The following LRMDA variants were observed in gnomAD, a reference collection of about 807,000 sequenced individuals.
LRMDA encodes leucine-rich melanocyte differentiation-associated protein.
Under a neutral mutation model 29.8 loss-of-function variants are expected in LRMDA, and 18 were observed. The ratio of observed to expected loss-of-function variants is 0.60; its 90% CI spans 0.42 to 0.90. The LOEUF (loss-of-function observed/expected upper bound fraction) is 0.90, where lower values mean the gene tolerates loss of function less well. Among genes scored for constraint, LRMDA ranks in the 40% least tolerant of loss-of-function variants. The pLI is 0.00. For missense variants in LRMDA, 273 were observed against 273.9 expected, an observed-to-expected ratio of 1.00 and a Z score of 0.02; for synonymous variants, 125 against 109.4, an observed-to-expected ratio of 1.14 and a Z score of -0.89.
intron 2 of LRMDA, among the ~76,000 whole-genome samples, chr10:75,628,651 A>G (rs941941939): frequency 7.2e-5 from 11 of 152,214 alleles, no homozygotes; most frequent in Non-Finnish European, 1.5e-4. Flanking sequence ...GCTTGCTGAA[A>G]GCCCAGCAAA....
chr10:75,486,985 A>C (rs1043265045), intron 2 of LRMDA, among the ~76,000 whole-genome samples: 3 of 152,224 alleles, frequency 2.0e-5, no homozygotes, highest in African/African-American at 7.2e-5. Context: ...TTTGAACATT[A>C]ATCAGGGAGA....
intron 5 of LRMDA, among the ~76,000 whole-genome samples, chr10:76,100,486 C>T (rs1224066753): frequency 6.6e-6 from 1 of 152,144 alleles, no homozygotes; most frequent in African/African-American, 2.4e-5. Flanking sequence ...AGTGTGCAGG[C>T]AGGTCGGAGA....
At chr10:75,749,423 C>A (rs959304226) in intron 2 of LRMDA, among the ~76,000 whole-genome samples, 1 of 152,020 alleles carries the variant, frequency 6.6e-6, no homozygotes, top group Admixed American at 6.6e-5. Flanking sequence ...TACATACACA[C>A]ATACAGATAT....
intron 2 of LRMDA, among the ~76,000 whole-genome samples, chr10:75,917,486 A>G (rs1400869029): frequency 6.6e-6 from 1 of 152,194 alleles, no homozygotes; most frequent in Non-Finnish European, 1.5e-5. Context: ...ACCCATCTGA[A>G]ATACTCCTCC....
intron 5 of LRMDA, among the ~76,000 whole-genome samples, chr10:76,295,187 AG>A (rs1259582551): frequency 1.3e-5 from 2 of 152,220 alleles, no homozygotes; most frequent in Non-Finnish European, 2.9e-5. Flanking sequence ...CAATGTAAGA[AG>A]AAAGTTTTAT....
At chr10:76,127,729 G>A (rs1427712860) in intron 5 of LRMDA, among the ~76,000 whole-genome samples, 1 of 151,994 alleles carries the variant, frequency 6.6e-6, no homozygotes, top group East Asian at 1.9e-4. Flanking sequence ...CACTCAGATT[G>A]CCTTAGGAGA....
At chr10:75,643,061 A>C (rs760077657) in intron 2 of LRMDA, 8 of 152,140 alleles carry the variant, frequency 5.3e-5, no homozygotes, top group Non-Finnish European at 1.0e-4. Flanking sequence ...GCTTGGCTTC[A>C]TGGCCACCTC....
At chr10:75,990,885 G>GCCATC (rs1847355988) in intron 2 of LRMDA, among the ~76,000 whole-genome samples, 1 of 152,136 alleles carries the variant, frequency 6.6e-6, no homozygotes, top group South Asian at 2.1e-4. Context: ...CCTTGTGGAG[G>GCCATC]CCATCGTGGG....
chr10:75,520,390 T>C lies in LRMDA; in HGVS notation c.131+81896T>C, dbSNP rs542743562. 6.6e-5 allele frequency among the ~76,000 whole-genome samples: 10 copies of C among 152,332 alleles called. No homozygotes were observed. The East Asian group carries it at 1.5e-3, about 24-fold the overall frequency. On this transcript the variant is annotated intron_variant, in intron 2 of 6. Transcript: ENST00000611255. ...TTTGTTTGTTTCTTTTTACTCTTTT[T>C]TGTCTAAACTTGTCCTCTTGCTTTA... is the stretch of plus-strand genomic sequence containing the variant.
chr10:76,430,155 ATC>A (rs1232208890), intron 6 of LRMDA, among the ~76,000 whole-genome samples: 1 of 152,142 alleles, frequency 6.6e-6, no homozygotes, highest in African/African-American at 2.4e-5. Flanking sequence ...ATTTTCCCCC[ATC>A]TCTGTGTGTT....
chr10:75,834,500 A>G (rs1453398644), intron 2 of LRMDA, among the ~76,000 whole-genome samples: 5 of 152,102 alleles, frequency 3.3e-5, no homozygotes, highest in African/African-American at 1.2e-4. Flanking sequence ...CCAAATCATC[A>G]AGTCCTGGCT....
chr10:76,157,868 C>T (rs978274918), intron 5 of LRMDA, among the ~76,000 whole-genome samples: 1 of 152,040 alleles, frequency 6.6e-6, no homozygotes, highest in African/African-American at 2.4e-5. Context: ...TGCAATACAC[C>T]TAGGCCATAT....
chr10:75,980,042 G>A (rs1054448532), intron 2 of LRMDA, among the ~76,000 whole-genome samples: 5 of 151,924 alleles, frequency 3.3e-5, no homozygotes, highest in Non-Finnish European at 7.4e-5. Flanking sequence ...AGCAAAAATT[G>A]AACAGAAGGT....
At chr10:76,448,841 C>G (rs1466669129) in intron 6 of LRMDA, among the ~76,000 whole-genome samples, 4 of 151,912 alleles carry the variant, frequency 2.6e-5, no homozygotes, top group Non-Finnish European at 5.9e-5. Context: ...TGTCAATTCA[C>G]AGGCTTACAT....
intron 6 of LRMDA, among the ~76,000 whole-genome samples, chr10:76,428,792 T>C (rs187153620): frequency 1.3e-5 from 2 of 152,254 alleles, no homozygotes; most frequent in East Asian, 3.9e-4. Context: ...AGAAACCATA[T>C]TCAGGACTGC....
chr10:76,226,411 C>T (rs1180961822), intron 5 of LRMDA, among the ~76,000 whole-genome samples: 2 of 151,718 alleles, frequency 1.3e-5, no homozygotes, highest in East Asian at 1.9e-4. Flanking sequence ...AGTGAAACTC[C>T]GTCTCTACTA....
chr10:76,395,322 A>G (rs1449488683), intron 6 of LRMDA, among the ~76,000 whole-genome samples: 1 of 152,176 alleles, frequency 6.6e-6, no homozygotes, highest in Non-Finnish European at 1.5e-5. Flanking sequence ...TATTTTCTAT[A>G]TAATATGCAT....
At chr10:76,324,858 C>A (rs1210266711) in intron 6 of LRMDA, among the ~76,000 whole-genome samples, 1 of 152,098 alleles carries the variant, frequency 6.6e-6, no homozygotes, top group Non-Finnish European at 1.5e-5. Flanking sequence ...TAACAATTAA[C>A]AGCTATAATT....
In LRMDA at chr10:75,713,501, AAG is replaced by A. The variant is rs1318114602; in HGVS notation, c.131+275008_131+275009del. ...CAATTTCCTGAGACCAGTTGATTCA[AAG>A]GTCTTGAATAAGAATTAGTGTTTTT... is the stretch of plus-strand genomic sequence containing the variant. On this transcript the variant is annotated intron_variant, in intron 2 of 6. Coordinates refer to ENST00000611255, the MANE Select transcript of LRMDA (RefSeq NM_001305581.2). Among the ~76,000 whole-genome samples, 233 of 152,352 alleles carry A rather than the reference AAG, an allele frequency of 1.5e-3. 2 individuals carry two copies. Among genetic ancestry groups the A allele is most frequent in the African/African-American group, 5.5e-3 (227 of 41,588 alleles).
Sources: gnomAD v4.1 joint callset for allele counts (sites outside exome capture counted in the v4.1 genomes callset) on GRCh38, gnomAD v4.1.1 for gene constraint, MANE v1.5 for transcripts, NCBI Gene and HGNC (gene_info 2026-07-23, HGNC 2026-07-21) for gene names.